The following KIF6 variants were observed in gnomAD, a reference collection of about 807,000 sequenced individuals.
KIF6 encodes the protein kinesin-like protein KIF6.
Under a neutral mutation model 112.7 loss-of-function variants are expected in KIF6, and 106 were observed. The observed-to-expected ratio is 0.94, with a 90% confidence interval of 0.80 to 1.11. The LOEUF is 1.11. KIF6 is among the 50% of genes least tolerant of loss of function. The pLI, the probability that KIF6 is intolerant of heterozygous loss-of-function variation, is 0.00. For synonymous variants in KIF6, 339 were observed against 339.9 expected, an observed-to-expected ratio of 1.00 and a Z score of 0.03; for missense variants, 929 against 964.0, an observed-to-expected ratio of 0.96 and a Z score of 0.48.
At chr6:39,360,633 A>T (rs2150257996) in intron 17 of KIF6, 103 bp from the exon 18 acceptor site, 5 of 1,367,000 alleles carry the variant, frequency 3.7e-6, no homozygotes, top group Non-Finnish European at 5.1e-6. Context: ...ATCCCGTCAG[A>T]GCTGCCCTGG....
At chr6:39,572,659 CTT>C (rs35901482) in intron 10 of KIF6, among the ~76,000 whole-genome samples, 4,474 of 102,076 alleles carry the variant, frequency 0.044, 103 homozygotes, top group African/African-American at 0.065. Context: ...GATCTACAGG[CTT>C]TTTTTTTTTT....
Position 39,663,811 on chromosome 6 carries a change from A to G in KIF6, c.252-24054T>C, listed in dbSNP as rs144632021. Reference sequence around the variant, plus strand: ...TGGCTTCCCTTAAAGGTACAGACTGAAGACAGCATTTTATAATGACATCAA... The same window carrying G: ...TGGCTTCCCTTAAAGGTACAGACTGGAGACAGCATTTTATAATGACATCAA... On this transcript the variant is annotated intron_variant, in intron 3 of 22. Transcript: ENST00000287152. Among the ~76,000 whole-genome samples, 17 of 152,232 alleles carry G rather than the reference A, an allele frequency of 1.1e-4. No homozygotes were observed. The East Asian group carries it at 3.3e-3, about 29-fold the overall frequency.
intron 6 of KIF6, among the ~76,000 whole-genome samples, chr6:39,602,117 A>G (rs1051169627): frequency 6.6e-6 from 1 of 152,196 alleles, no homozygotes; most frequent in African/African-American, 2.4e-5. Flanking sequence ...GGTAAAATCA[A>G]TGCTGACTTT....
intron 10 of KIF6, among the ~76,000 whole-genome samples, chr6:39,565,106 G>C (rs992917982): frequency 1.4e-5 from 2 of 139,598 alleles, no homozygotes; most frequent in Non-Finnish European, 3.0e-5. Flanking sequence ...AGTTCTGAGA[G>C]AGCGTAGGCT....
At chr6:39,397,679 A>C (rs1306648745) in intron 15 of KIF6, among the ~76,000 whole-genome samples, 3 of 152,204 alleles carry the variant, frequency 2.0e-5, no homozygotes, top group Admixed American at 2.0e-4. Flanking sequence ...TAGAAAAAAG[A>C]GGCAAAGCAG....
At chr6:39,367,302 G>T (rs1034686612) in intron 16 of KIF6, among the ~76,000 whole-genome samples, 2 of 152,082 alleles carry the variant, frequency 1.3e-5, no homozygotes, top group Non-Finnish European at 2.9e-5. Context: ...AGTTTTGTAG[G>T]TCTCCATCCC....
At chr6:39,442,145 G>C (rs962893702) in intron 13 of KIF6, among the ~76,000 whole-genome samples, 2 of 152,158 alleles carry the variant, frequency 1.3e-5, no homozygotes, top group Non-Finnish European at 2.9e-5. Context: ...TGGAATAAAG[G>C]GGGCAGTGCT....
chr6:39,609,387 G>T (rs1457224562), intron 6 of KIF6, among the ~76,000 whole-genome samples: 1 of 152,082 alleles, frequency 6.6e-6, no homozygotes, highest in Non-Finnish European at 1.5e-5. Flanking sequence ...GCATATTATT[G>T]CTCCAGAATC....
At chr6:39,591,215 C>T (rs73424540) in intron 7 of KIF6, among the ~76,000 whole-genome samples, 1,877 of 152,208 alleles carry the variant, frequency 0.012, 38 homozygotes, top group African/African-American at 0.043. Flanking sequence ...GGCTCCTGGC[C>T]GAGCTTCTCA....
At chr6:39,677,127 A>G (rs999110018) in intron 3 of KIF6, among the ~76,000 whole-genome samples, 5 of 152,244 alleles carry the variant, frequency 3.3e-5, no homozygotes, top group African/African-American at 1.2e-4. Context: ...CTGGTGTTAT[A>G]TAATATTCTG....
At chr6:39,383,802 ATTTG>A (rs1767177289) in intron 16 of KIF6, among the ~76,000 whole-genome samples, 2 of 152,050 alleles carry the variant, frequency 1.3e-5, no homozygotes, top group South Asian at 4.1e-4. Context: ...ATGCTTTTCC[ATTTG>A]TTTGTGTTGT....
intron 13 of KIF6, among the ~76,000 whole-genome samples, chr6:39,535,319 T>A (rs1303779364): frequency 1.3e-5 from 2 of 151,980 alleles, no homozygotes; most frequent in African/African-American, 4.8e-5. Context: ...AGGAAACCCA[T>A]CTCATGTGCA....
intron 13 of KIF6, among the ~76,000 whole-genome samples, chr6:39,525,686 G>A (rs1379833007): frequency 2.6e-5 from 4 of 152,092 alleles, no homozygotes; most frequent in African/African-American, 7.2e-5. Flanking sequence ...CCCAGGAGGC[G>A]GAAGTTGCAG....
At chr6:39,539,278 C>G (rs1778644103) in intron 13 of KIF6, among the ~76,000 whole-genome samples, 1 of 151,648 alleles carries the variant, frequency 6.6e-6, no homozygotes, top group East Asian at 1.9e-4. Flanking sequence ...TGAGTTGGCC[C>G]AACCCTGCCA....
At chr6:39,555,847 G>A (rs1033787908) in intron 10 of KIF6, among the ~76,000 whole-genome samples, 15 of 151,356 alleles carry the variant, frequency 9.9e-5, no homozygotes, top group African/African-American at 3.7e-4. Flanking sequence ...CCAGTTACTC[G>A]GGAAGCTGAG....
intron 15 of KIF6, among the ~76,000 whole-genome samples, chr6:39,395,925 A>G (rs1269900510): frequency 6.6e-6 from 1 of 152,196 alleles, no homozygotes. Context: ...TGAAAACAGC[A>G]AGTTTTACAT....
intron 10 of KIF6, among the ~76,000 whole-genome samples, chr6:39,557,522 T>C (rs1417666220): frequency 6.6e-6 from 1 of 152,180 alleles, no homozygotes; most frequent in African/African-American, 2.4e-5. Flanking sequence ...CTGGGAGTTT[T>C]AGTATGTTCC....
chr6:39,532,768 T>C (rs1778147271), intron 13 of KIF6, among the ~76,000 whole-genome samples: 1 of 152,216 alleles, frequency 6.6e-6, no homozygotes, highest in African/African-American at 2.4e-5. Flanking sequence ...ACCATGCATG[T>C]CAGGTAGTCC....
At chr6:39,682,121 T>A (rs957436013) in intron 3 of KIF6, among the ~76,000 whole-genome samples, 2 of 152,214 alleles carry the variant, frequency 1.3e-5, no homozygotes, top group Non-Finnish European at 2.9e-5. Flanking sequence ...ATGGAACTTA[T>A]GTATGAATCG....
Sources: allele counts gnomAD v4.1 joint callset (sites outside exome capture counted in the v4.1 genomes callset), GRCh38; gene constraint gnomAD v4.1.1; transcripts MANE v1.5; gene names NCBI Gene and HGNC (gene_info 2026-07-23, HGNC 2026-07-21).